The following UTS2B variants were observed in gnomAD, a reference collection of about 807,000 sequenced individuals.
The protein encoded by UTS2B is urotensin 2B.
Under a neutral mutation model 19.2 loss-of-function variants are expected in UTS2B, and 21 were observed. The observed-to-expected ratio is 1.09, with a 90% confidence interval of 0.78 to 1.58. The LOEUF (loss-of-function observed/expected upper bound fraction) is 1.58. Ranked by LOEUF, UTS2B falls within the 40% of genes most tolerant of loss-of-function variation. The pLI, the probability that UTS2B is intolerant of heterozygous loss-of-function variation, is 0.00. For synonymous variants in UTS2B, 57 were observed against 50.2 expected, an observed-to-expected ratio of 1.14 and a Z score of -0.58; for missense variants, 138 against 130.3, an observed-to-expected ratio of 1.06 and a Z score of -0.29.
intron 2 of UTS2B, among the ~76,000 whole-genome samples, chr3:191,326,963 G>A (rs1008060452): frequency 4.6e-5 from 7 of 152,208 alleles, no homozygotes; most frequent in African/African-American, 1.4e-4. Context: ...GAAAGCAGCC[G>A]ATTCTCTAAA....
rs1716198456 is a variant in UTS2B, at chr3:191,275,269, G to A, written c.317C>T (p.Ser106Phe). ...TSYAVDGLFS[S>F]HPSKRACFWK... ...AAGCTTACCTCGTTTGCTAGGATGA[G>A]AAGAGAATAGACCATCTACAGCATA... The change falls in exon 8 of 9, where the codon TCT (serine) becomes TTT (phenylalanine). Residue 106 changes from serine (S) to phenylalanine (F), a missense_variant. By Grantham distance (155) the Ser-to-Phe change is radical. Transcript: ENST00000340524. 3 of 1,611,398 alleles carry A rather than the reference G, an allele frequency of 1.9e-6. No homozygotes were observed. Among genetic ancestry groups the A allele is most frequent in the African/African-American group, 1.3e-5 (1 of 74,982 alleles).
chr3:191,341,189 G>A, the UTS2B span, among the ~76,000 whole-genome samples: 2 of 152,274 alleles, frequency 1.3e-5, no homozygotes, highest in African/African-American at 4.8e-5. Context: ...CAGTGACTTA[G>A]TGGGACCTCA....
At chr3:191,343,187 T>C in the UTS2B span, among the ~76,000 whole-genome samples, 7 of 152,136 alleles carry the variant, frequency 4.6e-5, no homozygotes, top group African/African-American at 1.7e-4. Flanking sequence ...CTGGAACCAG[T>C]CCCCCTCACG....
chr3:191,273,396 A>G, intron 8 of UTS2B: 1 of 444,738 alleles, frequency 2.2e-6, no homozygotes, highest in Non-Finnish European at 4.5e-6. Context: ...CTGCCTTGCC[A>G]TATGTTGGTG....
At chr3:191,320,723 G>A (rs1223169424) in intron 2 of UTS2B, among the ~76,000 whole-genome samples, 3 of 152,218 alleles carry the variant, frequency 2.0e-5, no homozygotes, top group Admixed American at 6.5e-5. Context: ...AAGGATAAAT[G>A]CAGGGTGTGA....
intron 2 of UTS2B, among the ~76,000 whole-genome samples, chr3:191,318,618 C>T (rs981498493): frequency 5.3e-5 from 8 of 152,166 alleles, no homozygotes; most frequent in Non-Finnish European, 1.0e-4. Flanking sequence ...CACGGGTGCA[C>T]ACCACCATGT....
chr3:191,342,094 C>A, the UTS2B span, among the ~76,000 whole-genome samples: 1 of 152,226 alleles, frequency 6.6e-6, no homozygotes, highest in Admixed American at 6.5e-5. Flanking sequence ...AGTTACTGAG[C>A]CTGTGGTGGC....
At chr3:191,280,319 C>T (rs1157410621) in intron 5 of UTS2B, among the ~76,000 whole-genome samples, 1 of 152,140 alleles carries the variant, frequency 6.6e-6, no homozygotes, top group Non-Finnish European at 1.5e-5. Flanking sequence ...CTCAGGCACA[C>T]TTTTATATGG....
intron 2 of UTS2B, among the ~76,000 whole-genome samples, chr3:191,322,681 TTTAGAGGAAAAAATAA>T (rs1472365938): frequency 3.9e-5 from 6 of 152,188 alleles, no homozygotes; most frequent in Admixed American, 3.3e-4. Context: ...TACAGCAAGT[TTTAGAGGAAAAAATAA>T]TGATGCAGTA....
chr3:191,311,491 T>C lies in UTS2B; in HGVS notation c.-182+4545A>G, dbSNP rs560593586. Among the ~76,000 whole-genome samples the C allele has an allele frequency of 2.0e-5, 3 of 152,324 alleles. No homozygotes were observed. The South Asian group carries it at 6.2e-4, about 32-fold the overall frequency. ...TCCATGATCTATTGGGCATCACCAT[T>C]GCTCTCTGATAGCCAAGGTTCTATG... On this transcript the variant is annotated intron_variant, in intron 3 of 8. Coordinates refer to ENST00000340524, the MANE Select transcript of UTS2B (RefSeq NM_198152.5).
At position 191,294,520 on chromosome 3, in the gene UTS2B, G is replaced by A. The variant is rs1351326889; in HGVS notation, c.-125+9972C>T. The stretch of plus-strand genomic sequence containing the variant: ...TAAAGGGTGGACTCCTTGGCCAACA[G>A]GAGCTATGAGCTATGATAAATGTCC... On this transcript the variant is annotated intron_variant, in intron 4 of 8. Transcript: ENST00000340524. The A allele has an allele frequency of 2.0e-5, 3 of 151,894 alleles. No individual in the cohort carries two copies. The East Asian group carries it at 5.8e-4, about 29-fold the overall frequency. The allele number at this position is 151,894 out of a possible 1,614,324, so 9.4% of individuals were successfully genotyped here.
the UTS2B span, among the ~76,000 whole-genome samples, chr3:191,342,578 T>C: frequency 1.8e-4 from 28 of 152,172 alleles, 1 homozygote; most frequent in Non-Finnish European, 3.8e-4. Context: ...CTGGAAGTGA[T>C]CTTTGGGTTT....
intron 2 of UTS2B, among the ~76,000 whole-genome samples, chr3:191,317,882 G>C (rs1717509897): frequency 6.6e-6 from 1 of 152,058 alleles, no homozygotes; most frequent in Non-Finnish European, 1.5e-5. Flanking sequence ...ACCCGGCCAG[G>C]TTTTTTTATT....
intron 6 of UTS2B, among the ~76,000 whole-genome samples, 155 bp downstream of exon 6, chr3:191,277,917 A>C (rs943279261): frequency 3.3e-5 from 5 of 151,958 alleles, no homozygotes; most frequent in South Asian, 2.1e-4. Context: ...ATTTAACATA[A>C]ATATAAAACA....
intron 1 of UTS2B, chr3:191,329,478 T>C (rs561015727): frequency 2.1e-6 from 1 of 487,210 alleles, no homozygotes; most frequent in South Asian, 3.7e-5. Flanking sequence ...GCCGCCAGCT[T>C]GGTGCCTCGG....
chr3:191,291,646 G>T (rs6801766), intron 4 of UTS2B, among the ~76,000 whole-genome samples: 58,505 of 151,686 alleles, frequency 0.39, 11,778 homozygotes, highest in East Asian at 0.64. Flanking sequence ...TGGAGACAAG[G>T]TTTCACCACG....
chr3:191,341,756 TGGA>T, the UTS2B span, among the ~76,000 whole-genome samples: 1 of 152,206 alleles, frequency 6.6e-6, no homozygotes, highest in Non-Finnish European at 1.5e-5. Flanking sequence ...TGAAACTGCA[TGGA>T]GAGCCAAAGG....
At chr3:191,345,850 G>A in the UTS2B span, among the ~76,000 whole-genome samples, 123 of 152,296 alleles carry the variant, frequency 8.1e-4, no homozygotes, top group Middle Eastern at 6.8e-3. Flanking sequence ...TTGTTGAAGT[G>A]TGCATGTGTT....
Position 191,282,348 on chromosome 3 carries a change from C to G in UTS2B, c.-124-35G>C. The G allele has an allele frequency of 5.2e-6, 3 of 573,092 alleles. No homozygotes were observed. The South Asian group carries it at 7.4e-5, about 14-fold the overall frequency. The allele number at this position is 573,092 out of a possible 1,614,324, so 35.5% of individuals were successfully genotyped here. A position where few individuals can be genotyped will look rare whatever the true frequency, so the allele number is the denominator to read the frequency against. The stretch of plus-strand genomic sequence containing the variant: ...GGAAAAAGAAAGAAAGAAAATAAAT[C>G]TATAAAATGCAATGCAATCAAGTAG... On this transcript the variant is annotated intron_variant, in intron 4 of 8. Coordinates refer to ENST00000340524, the MANE Select transcript of UTS2B (RefSeq NM_198152.5).
Sources: gnomAD v4.1 joint callset for allele counts (sites outside exome capture counted in the v4.1 genomes callset) on GRCh38, gnomAD v4.1.1 for gene constraint, MANE v1.5 for transcripts, NCBI Gene and HGNC (gene_info 2026-07-23, HGNC 2026-07-21) for gene names.